Variants in PAPSS1 observed in about 807,000 individuals in gnomAD.
The protein encoded by PAPSS1 is 3'-phosphoadenosine 5'-phosphosulfate synthase 1, also known as bifunctional 3'-phosphoadenosine 5'-phosphosulfate synthase 1.
A neutral mutation model predicts 72.0 loss-of-function variants in PAPSS1; 50 were observed. The observed-to-expected ratio is 0.69, with a 90% CI of 0.55 to 0.88. The LOEUF (loss-of-function observed/expected upper bound fraction) is 0.88. Among genes scored for constraint, PAPSS1 ranks in the 40% least tolerant of loss-of-function variants. The probability of loss-of-function intolerance (pLI) is 0.00; values close to 1 mark genes in which losing one functional copy is unlikely to be tolerated. For synonymous variants in PAPSS1, 261 were observed against 263.6 expected, an observed-to-expected ratio of 0.99 and a Z score of 0.09; for missense variants, 657 against 782.2, an observed-to-expected ratio of 0.84 and a Z score of 1.91.
At chr4:107,634,839 G>A (rs570328312) in intron 10 of PAPSS1, among the ~76,000 whole-genome samples, 136 of 128,572 alleles carry the variant, frequency 1.1e-3, no homozygotes, top group Non-Finnish European at 1.7e-3. Flanking sequence ...TCGCTGTGTC[G>A]CCCAGGCTGG....
At chr4:107,634,723 GA>G (rs1222465583) in intron 10 of PAPSS1, among the ~76,000 whole-genome samples, 5 of 147,722 alleles carry the variant, frequency 3.4e-5, no homozygotes, top group African/African-American at 1.3e-4. Context: ...ACACAAGTTG[GA>G]AAAAAAATTA....
intron 11 of PAPSS1, among the ~76,000 whole-genome samples, chr4:107,615,575 T>C (rs1725797653): frequency 1.3e-5 from 2 of 152,216 alleles, no homozygotes; most frequent in South Asian, 4.1e-4. Flanking sequence ...AAAGTCATTT[T>C]ACAACAGCAA....
At chr4:107,680,500 G>A (rs994193909) in intron 5 of PAPSS1, among the ~76,000 whole-genome samples, 3 of 152,184 alleles carry the variant, frequency 2.0e-5, no homozygotes, top group Admixed American at 1.3e-4. Flanking sequence ...AGATGAGAAA[G>A]CCCCTGTGCC....
chr4:107,638,659 C>T (rs887564793), intron 10 of PAPSS1, among the ~76,000 whole-genome samples: 1 of 151,474 alleles, frequency 6.6e-6, no homozygotes, highest in Admixed American at 6.6e-5. Context: ...TGCCCTCCCA[C>T]TGATTATTAT....
At chr4:107,628,012 T>C (rs1300382765) in intron 11 of PAPSS1, among the ~76,000 whole-genome samples, 2 of 152,192 alleles carry the variant, frequency 1.3e-5, no homozygotes, top group Non-Finnish European at 2.9e-5. Flanking sequence ...TTTCTTTTGG[T>C]GTGGTTCAGA....
rs898497727 is a variant in PAPSS1, at chr4:107,653,633, G to C, written c.1102-7C>G. 6.2e-7 allele frequency: 1 copy of C among 1,602,574 alleles called. No individual in the cohort carries two copies. Among genetic ancestry groups the C allele is most frequent in the African/African-American group, 1.3e-5 (1 of 74,114 alleles). On this transcript the variant is annotated splice_polypyrimidine_tract_variant and splice_region_variant and intron_variant, in intron 8 of 11. Coordinates refer to ENST00000265174, the MANE Select transcript of PAPSS1 (RefSeq NM_005443.5). ...CTCCTTGTTCCATCACCATCTAATA[G>C]GAAAAACAAATTTTTTTAATGGAAA...
chr4:107,719,906 G>T, intron 1 of PAPSS1: 1 of 1,360,752 alleles, frequency 7.3e-7, no homozygotes, highest in Non-Finnish European at 9.4e-7. Flanking sequence ...ACCGCACGCT[G>T]CGCCAAGCTA....
chr4:107,687,600 C>T (rs1020513236), intron 3 of PAPSS1, among the ~76,000 whole-genome samples: 3 of 152,060 alleles, frequency 2.0e-5, no homozygotes, highest in Non-Finnish European at 4.4e-5. Context: ...TACTTCTTTG[C>T]CAAATGCAAG....
intron 3 of PAPSS1, among the ~76,000 whole-genome samples, chr4:107,688,933 A>T (rs4956127): frequency 0.79 from 120,477 of 152,108 alleles, 50,962 homozygotes; most frequent in South Asian, 0.95. Flanking sequence ...AAGGAAGACC[A>T]CACTACACAC....
Position 107,614,290 on chromosome 4 carries a change from T to TC in PAPSS1, c.1833dup (p.Thr612AspfsTer17). On this transcript the variant is annotated frameshift_variant, in exon 12 of 12. Transcript: ENST00000265174. LOFTEE classifies it high-confidence loss of function. ...GATTTGTAGTATTCTGTCAGCACGG[T>TC]CCAAGCCTTGGGAGCCATGAAACCT... is the stretch of plus-strand genomic sequence containing the variant. 6.2e-7 allele frequency: 1 copy of TC among 1,614,022 alleles called. No individual in the cohort carries two copies. The highest frequency in any genetic ancestry group is 8.5e-7 in the Non-Finnish European group (1 of 1,179,912).
chr4:107,708,638 G>A (rs1250641671), intron 1 of PAPSS1, among the ~76,000 whole-genome samples: 4 of 152,194 alleles, frequency 2.6e-5, no homozygotes, highest in Non-Finnish European at 4.4e-5. Context: ...AAAAAATACA[G>A]ACAGGGTAAG....
rs1381496616 is a variant in PAPSS1, at chr4:107,693,067, T to C, written c.411+704A>G. On this transcript the variant is annotated intron_variant, in intron 3 of 11. Transcript: ENST00000265174. ...GCTTAATACCTAGGTGATGGGATGA[T>C]CTGTGTAGCAAATCACCATGGCACA... Among the ~76,000 whole-genome samples the C allele has an allele frequency of 3.3e-5, 5 of 152,122 alleles. No homozygotes were observed. The South Asian group carries it at 6.2e-4, about 19-fold the overall frequency.
Position 107,652,864 on chromosome 4 carries a change from T to C in PAPSS1, c.1237+627A>G, listed in dbSNP as rs904722341. Among the ~76,000 whole-genome samples the C allele has an allele frequency of 9.6e-4, 146 of 152,208 alleles. 1 individual carries two copies. Among genetic ancestry groups the C allele is most frequent in the African/African-American group, 3.3e-3 (136 of 41,536 alleles). On this transcript the variant is annotated intron_variant, in intron 9 of 11. Transcript: ENST00000265174. Reference sequence around the variant, plus strand: ...TTGAGAAGTATTTCTATGCGCAGTGTTGTTTCTTTTAATTTTTGCTTTAAA... The same window carrying C: ...TTGAGAAGTATTTCTATGCGCAGTGCTGTTTCTTTTAATTTTTGCTTTAAA...
Position 107,646,622 on chromosome 4 carries a change from G to A in PAPSS1, c.1238-1552C>T, listed in dbSNP as rs765874306. On this transcript the variant is annotated intron_variant, in intron 9 of 11. Coordinates refer to ENST00000265174, the MANE Select transcript of PAPSS1 (RefSeq NM_005443.5). Reference sequence around the variant, plus strand: ...GGGGACATCTGATGAAGGCTCATCTGACAGACCACAGTCTACACACTGGTG... The same window carrying A: ...GGGGACATCTGATGAAGGCTCATCTAACAGACCACAGTCTACACACTGGTG... 1.5e-3 allele frequency among the ~76,000 whole-genome samples: 214 copies of A among 142,870 alleles called. 2 individuals carry two copies. The highest frequency in any genetic ancestry group is 2.5e-3 in the Non-Finnish European group (159 of 64,618). The allele number at this position is 142,870 out of a possible 152,430, so 93.7% of individuals were successfully genotyped here.
intron 11 of PAPSS1, among the ~76,000 whole-genome samples, chr4:107,621,740 C>A (rs1010983385): frequency 6.7e-6 from 1 of 150,224 alleles, no homozygotes; most frequent in Admixed American, 6.7e-5. Flanking sequence ...CCTGCCTCAG[C>A]CTCCCGAGTA....
At chr4:107,680,554 C>T (rs62311651) in intron 5 of PAPSS1, among the ~76,000 whole-genome samples, 27,611 of 152,182 alleles carry the variant, frequency 0.18, 2,964 homozygotes, top group East Asian at 0.38. Flanking sequence ...ATTTCTAACA[C>T]ACTTCCTAGG....
intron 10 of PAPSS1, among the ~76,000 whole-genome samples, chr4:107,637,835 T>C (rs903257418): frequency 2.0e-4 from 30 of 152,250 alleles, no homozygotes; most frequent in African/African-American, 4.8e-5. Context: ...GGAAGTCAAG[T>C]GCATTACCTA....
At chr4:107,657,388 T>C (rs1727047201) in intron 6 of PAPSS1, among the ~76,000 whole-genome samples, 2 of 152,130 alleles carry the variant, frequency 1.3e-5, no homozygotes, top group Admixed American at 6.5e-5. Context: ...ATAACAGTGA[T>C]GATCTAATAC....
chr4:107,691,461 A>G (rs1722915253), intron 3 of PAPSS1, among the ~76,000 whole-genome samples: 1 of 152,160 alleles, frequency 6.6e-6, no homozygotes, highest in Admixed American at 6.5e-5. Flanking sequence ...TCTCACCTCT[A>G]TACTAACTCG....
Sources: gnomAD v4.1 joint callset for allele counts (sites outside exome capture counted in the v4.1 genomes callset) on GRCh38, gnomAD v4.1.1 for gene constraint, MANE v1.5 for transcripts, NCBI Gene and HGNC (gene_info 2026-07-23, HGNC 2026-07-21) for gene names.